The following PHIP variants were observed in gnomAD, a reference collection of about 807,000 sequenced individuals.
PHIP encodes PHIP subunit of CUL4-Ring ligase complex, also known as PH-interacting protein.
PHIP carries 54 observed loss-of-function variants against 236.8 expected under a neutral mutation model. The ratio of observed to expected loss-of-function variants is 0.23; its 90% CI spans 0.18 to 0.29. PHIP has a LOEUF of 0.29. Among genes scored for constraint, PHIP ranks in the 10% least tolerant of loss-of-function variants. The probability of loss-of-function intolerance (pLI) is 1.00; values close to 1 mark genes in which losing one functional copy is unlikely to be tolerated. For synonymous variants in PHIP, 756 were observed against 718.9 expected (o/e 1.05, Z -0.83); for missense variants, 1,370 against 2,190.8 (o/e 0.63, Z 7.48).
rs573093519 is a variant in PHIP, at chr6:78,993,636, G to C, written c.2202-2651C>G. Among the ~76,000 whole-genome samples, 6 of 152,298 alleles carry C rather than the reference G, an allele frequency of 3.9e-5. No individual in the cohort carries two copies. In the South Asian group the frequency reaches 1.2e-3, roughly 32 times the overall value. Reference sequence around the variant, plus strand: ...CTAGATGGCAGCACATCTATTTATAGCATGGTTTACTGAATATTTTTAGCC... The same window carrying C: ...CTAGATGGCAGCACATCTATTTATACCATGGTTTACTGAATATTTTTAGCC... On this transcript the variant is annotated intron_variant, in intron 19 of 39. Coordinates refer to ENST00000275034, the MANE Select transcript of PHIP (RefSeq NM_017934.7).
In PHIP at chr6:78,941,158, C is replaced by T; in HGVS notation, c.5001G>A (p.Gln1667=). ...KKRGRKPKKL[Q]YAKPEDLEQN... is the part of the protein sequence containing the mutation. ...GCTCTAAATCTTCTGGCTTTGCATA[C>T]TGTAGCTTTTTGGGCTTTCTACCCC... Residue 1667 remains glutamine (Q), a synonymous_variant, in exon 40 of 40, where the codon CAG becomes CAA. Coordinates refer to ENST00000275034, the MANE Select transcript of PHIP (RefSeq NM_017934.7). 2 of 1,613,972 alleles carry T rather than the reference C, an allele frequency of 1.2e-6. No individual in the cohort carries two copies. Among genetic ancestry groups the T allele is most frequent in the South Asian group, 1.1e-5 (1 of 91,082 alleles).
chr6:78,982,453 C>T (rs1436648590), intron 23 of PHIP, among the ~76,000 whole-genome samples: 1 of 151,960 alleles, frequency 6.6e-6, no homozygotes, highest in Non-Finnish European at 1.5e-5. Context: ...TCAACTGTAA[C>T]AAGTTGTGTC....
intron 15 of PHIP, among the ~76,000 whole-genome samples, chr6:79,008,667 C>A (rs1452793089): frequency 6.6e-6 from 1 of 152,134 alleles, no homozygotes; most frequent in African/African-American, 2.4e-5. Context: ...GCACTTCCTT[C>A]TCCTGTCTCC....
chr6:79,009,645 T>A (rs1335205469), intron 15 of PHIP, among the ~76,000 whole-genome samples: 1 of 152,122 alleles, frequency 6.6e-6, no homozygotes, highest in Non-Finnish European at 1.5e-5. Flanking sequence ...AACACTCAAA[T>A]ATTTGTTAAA....
chr6:78,997,888 A>G (rs926487721), intron 18 of PHIP, among the ~76,000 whole-genome samples: 1 of 152,206 alleles, frequency 6.6e-6, no homozygotes, highest in African/African-American at 2.4e-5. Context: ...AAAACTTCAT[A>G]AGAAGCAAAC....
chr6:79,002,833 A>G (rs1770072575), intron 16 of PHIP, among the ~76,000 whole-genome samples: 1 of 152,128 alleles, frequency 6.6e-6, no homozygotes, highest in South Asian at 2.1e-4. Context: ...TTAGGTATAC[A>G]GTAAGTATGA....
intron 37 of PHIP, 132 bp downstream of exon 37, chr6:78,946,579 C>A: frequency 7.1e-7 from 1 of 1,407,026 alleles, no homozygotes; most frequent in Non-Finnish European, 9.2e-7. Context: ...TCCTCCACAT[C>A]ATAGGAACTT....
chr6:79,047,236 T>G lies in PHIP; in HGVS notation c.440-4233A>C, dbSNP rs551984399. ...AGATCAACAAAAGGCCCACAACTTC[T>G]TAAACATTAGATGTGACTATGCGCA... On this transcript the variant is annotated intron_variant, in intron 6 of 39. Transcript: ENST00000275034. Among the ~76,000 whole-genome samples the G allele has an allele frequency of 3.1e-3, 475 of 152,294 alleles. 3 individuals carry two copies. The highest frequency in any genetic ancestry group is 0.011 in the African/African-American group (441 of 41,584).
chr6:78,968,646 A>T (rs1374831478), intron 27 of PHIP, among the ~76,000 whole-genome samples: 1 of 152,214 alleles, frequency 6.6e-6, no homozygotes, highest in Non-Finnish European at 1.5e-5. Context: ...TCCATATTCA[A>T]TTTTTAATCA....
In PHIP at chr6:78,990,861, T is replaced by C. The variant is rs768437734; in HGVS notation, c.2319+7A>G. ...AAATATTAAACATCAAAATAATTAATATGTACCTTTGAGACAGTGGGTATT... is the reference window on the plus strand; with the variant it reads ...AAATATTAAACATCAAAATAATTAACATGTACCTTTGAGACAGTGGGTATT... On this transcript the variant is annotated splice_region_variant and intron_variant, in intron 20 of 39. Transcript: ENST00000275034. 2 of 1,451,810 alleles carry C rather than the reference T, an allele frequency of 1.4e-6. No individual in the cohort carries two copies. The highest frequency in any genetic ancestry group is 2.4e-5 in the South Asian group (2 of 84,006). 89.9% of individuals were successfully genotyped at this position (1,451,810 alleles called of 1,614,324 possible).
At chr6:79,053,743 T>A (rs1271845481) in intron 6 of PHIP, among the ~76,000 whole-genome samples, 1 of 152,082 alleles carries the variant, frequency 6.6e-6, no homozygotes, top group Non-Finnish European at 1.5e-5. Context: ...CAGATATGAG[T>A]ATTCAACAAA....
rs183426517 is a variant in PHIP at position 78,978,431 on chromosome 6, C to T, written c.2889+161G>A. Among the ~76,000 whole-genome samples, 96 of 152,190 alleles carry T rather than the reference C, an allele frequency of 6.3e-4. 1 individual carries two copies. In the South Asian group the frequency reaches 8.1e-3, roughly 13 times the overall value. On this transcript the variant is annotated intron_variant, in intron 24 of 39. Coordinates refer to ENST00000275034, the MANE Select transcript of PHIP (RefSeq NM_017934.7). ...AGCAGCTTCAAAGAAGATTATTAGA[C>T]TTTCACTCCTAATTGTACTTTCTCC...
intron 16 of PHIP, among the ~76,000 whole-genome samples, chr6:79,002,489 A>G (rs1441769395): frequency 1.3e-5 from 2 of 152,046 alleles, no homozygotes; most frequent in African/African-American, 4.8e-5. Flanking sequence ...CACTGTTCCA[A>G]AATGCATAAT....
At chr6:78,974,228 A>C (rs1767860789) in intron 24 of PHIP, among the ~76,000 whole-genome samples, 1 of 152,212 alleles carries the variant, frequency 6.6e-6, no homozygotes, top group Non-Finnish European at 1.5e-5. Context: ...AATCTCACTC[A>C]AAACCGCTCA....
At chr6:79,016,688 T>G (rs1009559412) in intron 12 of PHIP, 46 bp from the exon 13 acceptor site, 1 of 1,165,016 alleles carries the variant, frequency 8.6e-7, no homozygotes, top group Non-Finnish European at 1.2e-6. Context: ...TCATACATGC[T>G]TTACCAAAAT....
At chr6:78,984,468 C>A (rs1470738362) in intron 22 of PHIP, among the ~76,000 whole-genome samples, 2 of 152,268 alleles carry the variant, frequency 1.3e-5, no homozygotes, top group South Asian at 2.1e-4. Context: ...AACATAATTA[C>A]AAACTCCAGA....
chr6:79,012,642 T>C (rs1770648055), intron 15 of PHIP, among the ~76,000 whole-genome samples: 2 of 151,710 alleles, frequency 1.3e-5, no homozygotes, highest in African/African-American at 4.8e-5. Context: ...ACTGAAAAAC[T>C]TATTGATTAG....
At chr6:79,075,087 T>C (rs1237628843) in intron 4 of PHIP, among the ~76,000 whole-genome samples, 2 of 152,148 alleles carry the variant, frequency 1.3e-5, no homozygotes, top group Admixed American at 1.3e-4. Context: ...TAAAACTTTT[T>C]AAGTCAGAAT....
intron 29 of PHIP, 152 bp from the exon 30 acceptor site, chr6:78,963,404 T>A: frequency 2.0e-6 from 1 of 506,878 alleles, no homozygotes; most frequent in Non-Finnish European, 3.3e-6. Flanking sequence ...AAGTATGTTT[T>A]AAGGGTCACT....
Sources: allele counts gnomAD v4.1 joint callset (sites outside exome capture counted in the v4.1 genomes callset), GRCh38; gene constraint gnomAD v4.1.1; transcripts MANE v1.5; gene names NCBI Gene and HGNC (gene_info 2026-07-23, HGNC 2026-07-21).